Variants in SLK observed in about 807,000 individuals in gnomAD.
SLK encodes the protein STE20-like serine/threonine-protein kinase.
SLK carries 67 observed loss-of-function variants against 147.7 expected under a neutral mutation model. The ratio of observed to expected loss-of-function variants is 0.45; its 90% CI spans 0.37 to 0.56. The LOEUF is 0.56. Among genes scored for constraint, SLK ranks in the 20% least tolerant of loss-of-function variants. SLK has a pLI of 0.00. For missense variants in SLK, 1,136 were observed against 1,438.8 expected, an observed-to-expected ratio of 0.79 and a Z score of 3.41; for synonymous variants, 441 against 475.0, an observed-to-expected ratio of 0.93 and a Z score of 0.93.
intron 12 of SLK, among the ~76,000 whole-genome samples, chr10:104,008,612 C>T (rs1244820097): frequency 6.6e-6 from 1 of 152,096 alleles, no homozygotes; most frequent in African/African-American, 2.4e-5. Context: ...GTTTTAATGA[C>T]CTGTTCACAG....
chr10:104,028,234 C>G lies in SLK; in HGVS notation c.*2514C>G, dbSNP rs1844623483. 6.6e-6 allele frequency: 1 copy of G among 152,126 alleles called. No homozygotes were observed. The highest frequency in any genetic ancestry group is 2.1e-4 in the South Asian group (1 of 4,822). 9.4% of individuals were successfully genotyped at this position (152,126 alleles called of 1,614,324 possible). A position where few individuals can be genotyped will look rare whatever the true frequency, so the allele number is the denominator to read the frequency against. On this transcript the variant is annotated 3_prime_UTR_variant, in exon 19 of 19. Coordinates refer to ENST00000369755, the MANE Select transcript of SLK (RefSeq NM_014720.4). ...TGTTTTGTTGCTGTGGCAGAATATG[C>G]CATGAAACACATACAGACTTCTCCG...
intron 1 of SLK, among the ~76,000 whole-genome samples, chr10:103,969,262 C>T (rs10786780): frequency 0.8 from 122,375 of 152,134 alleles, 49,380 homozygotes; most frequent in East Asian, 0.9. Context: ...AGCCACCGTC[C>T]CCGGCTGCCT....
rs749831859 is a variant in SLK, at chr10:103,999,913, G to T, written c.829G>T (p.Val277Leu). 6.4e-7 allele frequency: 1 copy of T among 1,564,036 alleles called. No individual in the cohort carries two copies. The highest frequency in any genetic ancestry group is 8.8e-7 in the Non-Finnish European group (1 of 1,142,636). The change falls in exon 7 of 19, where the codon GTG (valine) becomes TTG (leucine). Residue 277 changes from valine (V) to leucine (L), a missense_variant. Around this residue, in one of 6 missense-constraint regions of SLK, gnomAD observed 141 missense variants for 219.3 expected, o/e 0.64. Transcript: ENST00000369755. ...TCTAAAGAAATGCTTAGAAAAGAAT[G>T]TGGATGCCAGGTGGACTACATCTCA... ...DFLKKCLEKN[V>L]DARWTTSQLL...
Position 104,025,857 on chromosome 10 carries a change from T to C in SLK, c.*137T>C. 1 of 701,282 alleles carries C rather than the reference T, an allele frequency of 1.4e-6. No individual in the cohort carries two copies. The highest frequency in any genetic ancestry group is 2.2e-6 in the Non-Finnish European group (1 of 451,826). The allele number at this position is 701,282 out of a possible 1,614,324, so 43.4% of individuals were successfully genotyped here. On this transcript the variant is annotated 3_prime_UTR_variant, in exon 19 of 19. Transcript: ENST00000369755. ...CTAGGTGTTTTCCTTTTTTGTTTTT[T>C]TTGTTTTGTTTTGTTTTTAAGCAAA...
intron 9 of SLK, 54 bp downstream of exon 9, chr10:104,003,581 G>C: frequency 7.2e-7 from 1 of 1,396,322 alleles, no homozygotes; most frequent in South Asian, 1.5e-5. Context: ...TCTCAATTCA[G>C]AGTTTATGTG....
chr10:103,976,736 G>A (rs1479998166), intron 1 of SLK, among the ~76,000 whole-genome samples: 2 of 152,128 alleles, frequency 1.3e-5, no homozygotes, highest in African/African-American at 2.4e-5. Context: ...GTTCTCATGT[G>A]CCTATTTTGC....
chr10:103,967,702 G>GT lies in SLK; in HGVS notation c.-39dup. On this transcript the variant is annotated 5_prime_UTR_variant, in exon 1 of 19. Transcript: ENST00000369755. ...GGGAAGAGAAACTTTGCCTTTTATTGTTTTTAGTCCTTAAGTGCAAGGAAC... is the reference window on the plus strand; with the variant it reads ...GGGAAGAGAAACTTTGCCTTTTATTGTTTTTTAGTCCTTAAGTGCAAGGAAC... 1 of 1,594,036 alleles carries GT rather than the reference G, an allele frequency of 6.3e-7. No homozygotes were observed. Among genetic ancestry groups the GT allele is most frequent in the East Asian group, 2.3e-5 (1 of 43,724 alleles).
chr10:103,999,182 T>C lies in SLK; in HGVS notation c.651T>C (p.Asp217=). 1.2e-6 allele frequency: 2 copies of C among 1,613,792 alleles called. No individual in the cohort carries two copies. The highest frequency in any genetic ancestry group is 1.7e-6 in the Non-Finnish European group (2 of 1,179,768). Residue 217 remains aspartate, a synonymous_variant, in exon 6 of 19, where the codon GAT becomes GAC. Coordinates refer to ENST00000369755, the MANE Select transcript of SLK (RefSeq NM_014720.4). The stretch of plus-strand genomic sequence containing the variant: ...ACAGACCCTATGACTACAAAGCTGA[T>C]GTTTGGTCCCTGGGTATCACTTTAA... ...SKDRPYDYKA[D]VWSLGITLIE...
In SLK at chr10:104,002,985, A is replaced by G. The variant is rs1339781752; in HGVS notation, c.1807A>G (p.Lys603Glu). 6.2e-7 allele frequency: 1 copy of G among 1,613,650 alleles called. No homozygotes were observed. The highest frequency in any genetic ancestry group is 8.5e-7 in the Non-Finnish European group (1 of 1,179,710). ...TGGTGGTACTAAGGAAGTTCCTATT[A>G]AAGAAATAGTTGAAATGAATGAAAT... ...EAGGTKEVPI[K>E]EIVEMNEIEE... The change falls in exon 9 of 19, where the codon AAA becomes GAA. Residue 603 changes from lysine (K) to glutamate (E), a missense_variant. By Grantham distance (56) the Lys-to-Glu change is moderately conservative. Transcript: ENST00000369755.
At chr10:103,994,959 G>C (rs1052399218) in intron 4 of SLK, among the ~76,000 whole-genome samples, 23 of 152,246 alleles carry the variant, frequency 1.5e-4, no homozygotes, top group Admixed American at 3.9e-4. Context: ...TCTGCTTTGT[G>C]CCCTTTTTTG....
At chr10:103,974,645 A>C (rs1589524310) in intron 1 of SLK, 1 of 35,370 alleles carries the variant, frequency 2.8e-5, no homozygotes, top group Admixed American at 4.1e-4. Context: ...AAAAAAGTTC[A>C]TCTTTTGGCC....
rs75254915 is a variant in SLK at position 103,981,827 on chromosome 10, A to G, written c.151-8848A>G. Among the ~76,000 whole-genome samples the G allele has an allele frequency of 1.2e-4, 18 of 152,270 alleles. No individual in the cohort carries two copies. In the East Asian group the frequency reaches 3.1e-3, roughly 26 times the overall value. ...GCTATTCAGGGTCCATTGAGATTCC[A>G]TGTGAATTTTGGGATAGGGTTTTCT... On this transcript the variant is annotated intron_variant, in intron 1 of 18. Transcript: ENST00000369755.
chr10:103,999,208 T>C lies in SLK; in HGVS notation c.677T>C (p.Ile226Thr). 1 of 1,613,820 alleles carries C rather than the reference T, an allele frequency of 6.2e-7. No individual in the cohort carries two copies. Among genetic ancestry groups the C allele is most frequent in the Non-Finnish European group, 8.5e-7 (1 of 1,179,766 alleles). The change falls in exon 6 of 19, where the codon ATA becomes ACA. Residue 226 changes from isoleucine to threonine, a missense_variant. By Grantham distance (89) the Ile-to-Thr change is moderately conservative. This residue lies in a region of SLK where 141 missense variants were observed against 219.3 expected (regional missense o/e 0.64). Transcript: ENST00000369755. ...GTTTGGTCCCTGGGTATCACTTTAA[T>C]AGAAATGGCTGAGATAGAACCACCT... ...ADVWSLGITLIEMAEIEPPHH... is the reference protein window; with the variant it reads ...ADVWSLGITLTEMAEIEPPHH...
In SLK at chr10:104,028,506, C is replaced by T. The variant is rs1336139769; in HGVS notation, c.*2786C>T. ...GTGGGTAAGGAAAAAATGTTGAATG[C>T]TTTTACTTTGCTGAAAATATTAGAA... On this transcript the variant is annotated 3_prime_UTR_variant, in exon 19 of 19. Coordinates refer to ENST00000369755, the MANE Select transcript of SLK (RefSeq NM_014720.4). The T allele has an allele frequency of 6.6e-6, 1 of 152,188 alleles. No individual in the cohort carries two copies. Among genetic ancestry groups the T allele is most frequent in the Non-Finnish European group, 1.5e-5 (1 of 68,036 alleles). The allele number at this position is 152,188 out of a possible 1,614,324, so 9.4% of individuals were successfully genotyped here. A position where few individuals can be genotyped will look rare whatever the true frequency, so the allele number is the denominator to read the frequency against.
intron 13 of SLK, among the ~76,000 whole-genome samples, chr10:104,014,193 T>A (rs942670179): frequency 3.9e-5 from 6 of 152,242 alleles, no homozygotes; most frequent in Non-Finnish European, 7.3e-5. Context: ...CATATATGTT[T>A]ATGTAGATGT....
At chr10:103,993,877 G>A (rs544545683) in intron 4 of SLK, among the ~76,000 whole-genome samples, 1 of 152,268 alleles carries the variant, frequency 6.6e-6, no homozygotes, top group African/African-American at 2.4e-5. Flanking sequence ...CATTTAAACA[G>A]ATGGTGTACT....
intron 13 of SLK, among the ~76,000 whole-genome samples, chr10:104,016,261 G>A (rs915441106): frequency 7.2e-5 from 11 of 152,042 alleles, no homozygotes; most frequent in African/African-American, 2.7e-4. Flanking sequence ...GGAGCTTGCA[G>A]TGAGCCGAGA....
intron 14 of SLK, 75 bp from the exon 15 acceptor site, chr10:104,018,709 A>T: frequency 6.9e-7 from 1 of 1,445,096 alleles, no homozygotes; most frequent in Non-Finnish European, 9.5e-7. Context: ...ACTTCTATGT[A>T]AATATTAAAA....
rs1337794451 is a variant in SLK at position 103,967,835 on chromosome 10, C to T, written c.90C>T (p.Pro30=). 3.1e-6 allele frequency: 5 copies of T among 1,614,084 alleles called. No individual in the cohort carries two copies. Among genetic ancestry groups the T allele is most frequent in the Non-Finnish European group, 4.2e-6 (5 of 1,179,976 alleles). Residue 30 remains proline (P), a synonymous_variant, in exon 1 of 19, where the codon CCC becomes CCT. Transcript: ENST00000369755. ...AACACGTGAAGAGGGACCTGAACCC[C>T]GAAGACTTTTGGGAGATTATAGGAG... The part of the protein sequence containing the change: ...QYEHVKRDLN[P]EDFWEIIGEL...
Sources: gnomAD v4.1 joint callset for allele counts (sites outside exome capture counted in the v4.1 genomes callset) on GRCh38, gnomAD v4.1.1 for gene constraint, gnomAD v4.1.1 regional missense constraint, MANE v1.5 for transcripts, NCBI Gene and HGNC (gene_info 2026-07-23, HGNC 2026-07-21) for gene names.